Variants in REDIC1 observed in about 807,000 individuals in gnomAD.
REDIC1 encodes regulator of DNA class I crossover intermediates 1.
chr12:39,704,836 A>G, the REDIC1 span, among the ~76,000 whole-genome samples: 1 of 151,714 alleles, frequency 6.6e-6, no homozygotes, highest in South Asian at 2.1e-4. Flanking sequence ...AAAACCAAAC[A>G]CCGCATATTC....
chr12:39,804,538 T>TG, the REDIC1 span, among the ~76,000 whole-genome samples: 3 of 152,206 alleles, frequency 2.0e-5, no homozygotes, highest in Non-Finnish European at 4.4e-5. Context: ...CCCTGATTTC[T>TG]TAGCTTGTAG....
At chr12:39,837,579 A>C in the REDIC1 span, among the ~76,000 whole-genome samples, 1 of 146,388 alleles carries the variant, frequency 6.8e-6, no homozygotes, top group Non-Finnish European at 1.5e-5. Flanking sequence ...GAAAATTTTC[A>C]CAACCTACTC....
At chr12:39,688,415 T>C in the REDIC1 span, among the ~76,000 whole-genome samples, 1 of 152,220 alleles carries the variant, frequency 6.6e-6, no homozygotes, top group Non-Finnish European at 1.5e-5. Context: ...TATACTAAGA[T>C]GTCAGAGTAC....
chr12:39,734,520 T>C, the REDIC1 span, among the ~76,000 whole-genome samples: 1 of 152,224 alleles, frequency 6.6e-6, no homozygotes, highest in Admixed American at 6.5e-5. Context: ...AGTTCTTATA[T>C]TTGGGTCTGT....
chr12:39,735,469 C>A, the REDIC1 span, among the ~76,000 whole-genome samples: 2 of 152,156 alleles, frequency 1.3e-5, no homozygotes, highest in African/African-American at 4.8e-5. Context: ...CACCTGGTTT[C>A]TAGCTGCCTG....
At chr12:39,690,256 A>G in the REDIC1 span, among the ~76,000 whole-genome samples, 8 of 152,240 alleles carry the variant, frequency 5.3e-5, no homozygotes, top group African/African-American at 1.7e-4. Flanking sequence ...GGATGGGGAC[A>G]TGTGGTGTTC....
At chr12:39,721,141 A>G in the REDIC1 span, 12 of 1,613,746 alleles carry the variant, frequency 7.4e-6, no homozygotes, top group Non-Finnish European at 1.0e-5. Flanking sequence ...GTGTGATCTA[A>G]TTTCAAAATG....
the REDIC1 span, among the ~76,000 whole-genome samples, chr12:39,695,278 A>T: frequency 6.6e-6 from 1 of 152,168 alleles, no homozygotes; most frequent in Non-Finnish European, 1.5e-5. Context: ...TCATGGGGGT[A>T]GAATACCAAG....
the REDIC1 span, among the ~76,000 whole-genome samples, chr12:39,843,800 G>T: frequency 1.4e-4 from 22 of 151,924 alleles, no homozygotes; most frequent in African/African-American, 4.8e-4. Flanking sequence ...CAAAGATTTT[G>T]TTATTGTTTT....
chr12:39,810,615 A>G, the REDIC1 span, among the ~76,000 whole-genome samples: 3 of 152,180 alleles, frequency 2.0e-5, no homozygotes, highest in Non-Finnish European at 4.4e-5. Context: ...TAGGTTTTTA[A>G]GAGATGTTAT....
the REDIC1 span, among the ~76,000 whole-genome samples, chr12:39,676,401 A>C: frequency 8.5e-5 from 13 of 152,176 alleles, no homozygotes; most frequent in African/African-American, 3.1e-4. Context: ...GCAAAGACAA[A>C]GAAAAACTAA....
chr12:39,849,235 G>C, the REDIC1 span, among the ~76,000 whole-genome samples: 1 of 151,916 alleles, frequency 6.6e-6, no homozygotes, highest in Non-Finnish European at 1.5e-5. Context: ...AACAGTATCT[G>C]TATATATATG....
At chr12:39,707,377 A>T in the REDIC1 span, among the ~76,000 whole-genome samples, 1 of 151,932 alleles carries the variant, frequency 6.6e-6, no homozygotes, top group Non-Finnish European at 1.5e-5. Context: ...TGATGAGGAT[A>T]TGGAGAAAGG....
At chr12:39,668,642 C>G in the REDIC1 span, among the ~76,000 whole-genome samples, 2 of 152,210 alleles carry the variant, frequency 1.3e-5, no homozygotes, top group Non-Finnish European at 2.9e-5. Flanking sequence ...TAATATCCTG[C>G]AGAGTGTTTT....
the REDIC1 span, among the ~76,000 whole-genome samples, chr12:39,834,832 CA>C: frequency 5.9e-5 from 9 of 151,990 alleles, no homozygotes; most frequent in Non-Finnish European, 1.0e-4. Flanking sequence ...ACAAGATTCC[CA>C]ACTTCAACTT....
the REDIC1 span, among the ~76,000 whole-genome samples, chr12:39,876,201 G>A: frequency 1.3e-5 from 2 of 152,084 alleles, no homozygotes; most frequent in Non-Finnish European, 2.9e-5. Context: ...GGAAATCTAC[G>A]TGCATTGCTA....
At chr12:39,721,371 A>T in the REDIC1 span, 1 of 802,358 alleles carries the variant, frequency 1.2e-6, no homozygotes, top group Non-Finnish European at 2.0e-6. Context: ...ATAAGCTGAC[A>T]GTGTTCAGGG....
chr12:39,746,334 A>G, the REDIC1 span, among the ~76,000 whole-genome samples: 1 of 152,106 alleles, frequency 6.6e-6, no homozygotes, highest in East Asian at 1.9e-4. Flanking sequence ...AACCTCACTC[A>G]TTGCTCACTG....
the REDIC1 span, among the ~76,000 whole-genome samples, chr12:39,906,425 T>A: frequency 6.6e-6 from 1 of 152,104 alleles, no homozygotes; most frequent in African/African-American, 2.4e-5. Context: ...ACAATAGATA[T>A]GAAAGTCACT....
Sources: gnomAD v4.1 joint callset for allele counts (sites outside exome capture counted in the v4.1 genomes callset) on GRCh38, gnomAD v4.1.1 for gene constraint, MANE v1.5 for transcripts, NCBI Gene and HGNC (gene_info 2026-07-23, HGNC 2026-07-21) for gene names.